Variants in DSCAM observed in about 807,000 individuals in gnomAD.
DSCAM encodes the protein cell adhesion molecule DSCAM.
In DSCAM, 47 loss-of-function variants were observed where a neutral mutation model predicts 217.7. That is an observed-to-expected ratio of 0.22 (90% confidence interval 0.17 to 0.28). The LOEUF is 0.28. Ranked by LOEUF, DSCAM falls within the 10% of genes least tolerant of loss-of-function variation. The probability of loss-of-function intolerance (pLI) is 1.00; values close to 1 mark genes in which losing one functional copy is unlikely to be tolerated. For missense variants in DSCAM, 2,080 were observed against 2,618.3 expected, an observed-to-expected ratio of 0.79 and a Z score of 4.49; for synonymous variants, 1,056 against 1,015.3, an observed-to-expected ratio of 1.04 and a Z score of -0.76.
intron 3 of DSCAM, among the ~76,000 whole-genome samples, chr21:40,410,292 A>G (rs889965145): frequency 1.3e-5 from 2 of 152,104 alleles, no homozygotes; most frequent in African/African-American, 4.8e-5. Context: ...ACAACAATAG[A>G]AACTACACAA....
At chr21:40,534,770 C>T (rs778411977) in intron 3 of DSCAM, among the ~76,000 whole-genome samples, 10 of 151,982 alleles carry the variant, frequency 6.6e-5, no homozygotes, top group Non-Finnish European at 1.5e-4. Flanking sequence ...GGTAATTACC[C>T]CAAAATAATC....
chr21:40,705,478 T>C (rs1379881877), intron 2 of DSCAM, among the ~76,000 whole-genome samples: 1 of 152,094 alleles, frequency 6.6e-6, no homozygotes, highest in Non-Finnish European at 1.5e-5. Flanking sequence ...GACTGGGCAA[T>C]TTATAAAGAA....
chr21:40,739,123 G>C (rs908784085), intron 1 of DSCAM, among the ~76,000 whole-genome samples: 71 of 152,218 alleles, frequency 4.7e-4, no homozygotes, highest in African/African-American at 1.7e-3. Flanking sequence ...CTAAAGGAGA[G>C]GATTATAGTC....
In DSCAM at chr21:40,012,874, G is replaced by A; in HGVS notation, c.*160C>T. ...ACTCAGACAGAAAAAAAGCAGGAGA[G>A]TCTTTGCACTGTCTGTGGTTTCAGT... is the stretch of plus-strand genomic sequence containing the variant. On this transcript the variant is annotated 3_prime_UTR_variant, in exon 33 of 33. Transcript: ENST00000400454. 1 of 532,878 alleles carries A rather than the reference G, an allele frequency of 1.9e-6. No homozygotes were observed. Among genetic ancestry groups the A allele is most frequent in the Non-Finnish European group, 2.9e-6 (1 of 343,332 alleles). 33.0% of individuals were successfully genotyped at this position (532,878 alleles called of 1,614,324 possible).
At chr21:40,426,853 C>A (rs911760554) in intron 3 of DSCAM, among the ~76,000 whole-genome samples, 8 of 152,028 alleles carry the variant, frequency 5.3e-5, no homozygotes, top group African/African-American at 1.9e-4. Context: ...CTCAGTCAAG[C>A]CCAAACCGTC....
intron 1 of DSCAM, among the ~76,000 whole-genome samples, chr21:40,747,764 AC>A (rs58132224): frequency 0.39 from 58,671 of 151,296 alleles, 12,755 homozygotes; most frequent in African/African-American, 0.6. Context: ...GAATACAACA[AC>A]AAAAAAGGAA....
intron 8 of DSCAM, among the ~76,000 whole-genome samples, chr21:40,334,375 A>G (rs575532253): frequency 6.6e-6 from 1 of 152,266 alleles, no homozygotes; most frequent in East Asian, 1.9e-4. Context: ...AAGCAATGCC[A>G]TTCTTCCTGA....
chr21:40,376,678 T>G (rs1048921938), intron 3 of DSCAM, among the ~76,000 whole-genome samples: 1,029 of 142,488 alleles, frequency 7.2e-3, no homozygotes, highest in Non-Finnish European at 8.1e-3. Flanking sequence ...TAGATATCTA[T>G]ATATCATATA....
intron 3 of DSCAM, among the ~76,000 whole-genome samples, chr21:40,445,298 C>G (rs182315029): frequency 6.6e-6 from 1 of 152,282 alleles, no homozygotes; most frequent in Non-Finnish European, 1.5e-5. Context: ...GCTTTAATTG[C>G]GTGCTGGCCT....
intron 12 of DSCAM, 28 bp downstream of exon 12, chr21:40,189,014 C>T: frequency 6.2e-7 from 1 of 1,607,044 alleles, no homozygotes; most frequent in Non-Finnish European, 8.5e-7. Context: ...AAGTTCATTC[C>T]ATTGTGTTGT....
chr21:40,442,926 G>A (rs936482344), intron 3 of DSCAM, among the ~76,000 whole-genome samples: 1 of 152,166 alleles, frequency 6.6e-6, no homozygotes, highest in African/African-American at 2.4e-5. Context: ...ATGTGTTCAT[G>A]TGTATGCATG....
chr21:40,710,885 T>A (rs2090772459), intron 1 of DSCAM, among the ~76,000 whole-genome samples: 1 of 152,226 alleles, frequency 6.6e-6, no homozygotes, highest in Admixed American at 6.5e-5. Flanking sequence ...GAAGTGAGAA[T>A]AACATTTATT....
At chr21:40,184,459 G>T (rs963896920) in intron 14 of DSCAM, among the ~76,000 whole-genome samples, 1 of 152,042 alleles carries the variant, frequency 6.6e-6, no homozygotes, top group Non-Finnish European at 1.5e-5. Context: ...GACCCATGCT[G>T]CCCCTTAAAA....
chr21:40,531,923 G>A (rs1284222032), intron 3 of DSCAM, among the ~76,000 whole-genome samples: 1 of 152,224 alleles, frequency 6.6e-6, no homozygotes, highest in African/African-American at 2.4e-5. Context: ...GGCTTGGGGA[G>A]GACACACAGT....
chr21:40,106,977 C>T (rs781775782), intron 20 of DSCAM, among the ~76,000 whole-genome samples: 1 of 150,718 alleles, frequency 6.6e-6, no homozygotes, highest in Non-Finnish European at 1.5e-5. Context: ...TCCTTCTGTT[C>T]AGCTCTGATT....
rs2090481833 is a variant in DSCAM at position 40,156,583 on chromosome 21, G to T, written c.3018+10635C>A. Among the ~76,000 whole-genome samples the T allele has an allele frequency of 3.3e-5, 5 of 152,300 alleles. No homozygotes were observed. In the South Asian group the frequency reaches 1.0e-3, roughly 32 times the overall value. ...GTGGGGCACTGCTATAAAGCTACCT[G>T]AAAATATGGAAGCAACTTTGGAACT... On this transcript the variant is annotated intron_variant, in intron 16 of 32. Transcript: ENST00000400454.
intron 2 of DSCAM, among the ~76,000 whole-genome samples, chr21:40,704,572 T>C (rs1437060649): frequency 6.6e-6 from 1 of 151,804 alleles, no homozygotes; most frequent in African/African-American, 2.4e-5. Context: ...TTTTAAAGAA[T>C]TAGCCAGGTG....
At chr21:40,275,805 T>C (rs1393312787) in intron 11 of DSCAM, among the ~76,000 whole-genome samples, 1 of 152,152 alleles carries the variant, frequency 6.6e-6, no homozygotes, top group Non-Finnish European at 1.5e-5. Context: ...ACTCATCTGC[T>C]AGGTTGCCCA....
At chr21:40,452,667 C>T (rs561988515) in intron 3 of DSCAM, among the ~76,000 whole-genome samples, 2 of 152,090 alleles carry the variant, frequency 1.3e-5, no homozygotes, top group African/African-American at 4.8e-5. Context: ...GTGATATCAA[C>T]GTCTGTGAGA....
Sources: allele counts gnomAD v4.1 joint callset (sites outside exome capture counted in the v4.1 genomes callset), GRCh38; gene constraint gnomAD v4.1.1; transcripts MANE v1.5; gene names NCBI Gene and HGNC (gene_info 2026-07-23, HGNC 2026-07-21).